Variants in RPS6KC1 observed in about 807,000 individuals in gnomAD.
RPS6KC1 encodes the protein ribosomal protein S6 kinase C1.
A neutral mutation model predicts 103.8 loss-of-function variants in RPS6KC1; 54 were observed. The ratio of observed to expected loss-of-function variants is 0.52; its 90% confidence interval spans 0.42 to 0.65. The LOEUF is 0.65. Ranked by LOEUF, RPS6KC1 falls within the 30% of genes least tolerant of loss-of-function variation. The pLI, the probability that RPS6KC1 is intolerant of heterozygous loss-of-function variation, is 0.00. For synonymous variants in RPS6KC1, 439 were observed against 438.7 expected (o/e 1.00, Z -0.01); for missense variants, 1,151 against 1,253.8 (o/e 0.92, Z 1.24).
At chr1:213,242,391 C>T in intron 11 of RPS6KC1, 94 bp downstream of exon 11, 1 of 1,403,160 alleles carries the variant, frequency 7.1e-7, no homozygotes, top group Non-Finnish European at 1.0e-6. Flanking sequence ...TCTTCATTTC[C>T]TGTCTAGAGC....
chr1:213,395,274 G>A, the RPS6KC1 span, among the ~76,000 whole-genome samples: 3 of 152,216 alleles, frequency 2.0e-5, no homozygotes. Context: ...TCTCCTCTGT[G>A]TAATGAAAGA....
intron 8 of RPS6KC1, among the ~76,000 whole-genome samples, chr1:213,207,378 T>C (rs1345387507): frequency 6.6e-6 from 1 of 152,200 alleles, no homozygotes; most frequent in Non-Finnish European, 1.5e-5. Flanking sequence ...GGTCTGACAC[T>C]GTTAAAGGTG....
chr1:213,405,869 A>C, the RPS6KC1 span, among the ~76,000 whole-genome samples: 1 of 152,146 alleles, frequency 6.6e-6, no homozygotes, highest in Non-Finnish European at 1.5e-5. Flanking sequence ...GAGGACTCTG[A>C]GAGGGGCAAA....
chr1:213,057,098 C>A (rs2077393887), intron 1 of RPS6KC1, among the ~76,000 whole-genome samples: 2 of 152,014 alleles, frequency 1.3e-5, no homozygotes, highest in South Asian at 4.2e-4. Context: ...TGCCACCCTG[C>A]CTGACTAATT....
the RPS6KC1 span, among the ~76,000 whole-genome samples, chr1:213,388,775 T>C: frequency 6.6e-6 from 1 of 152,206 alleles, no homozygotes; most frequent in Non-Finnish European, 1.5e-5. Context: ...CATCAGGAGA[T>C]GCTGATCTTC....
At chr1:213,533,087 A>C in the RPS6KC1 span, among the ~76,000 whole-genome samples, 8 of 152,162 alleles carry the variant, frequency 5.3e-5, no homozygotes, top group Non-Finnish European at 1.0e-4. Context: ...TTGAGTACAG[A>C]GTGCTTCGAT....
the RPS6KC1 span, among the ~76,000 whole-genome samples, chr1:213,795,328 C>A: frequency 6.6e-6 from 1 of 152,160 alleles, no homozygotes; most frequent in African/African-American, 2.4e-5. Flanking sequence ...GGTCTATGAA[C>A]AGAGTTCAGG....
At chr1:213,559,325 T>A in the RPS6KC1 span, among the ~76,000 whole-genome samples, 4 of 152,196 alleles carry the variant, frequency 2.6e-5, no homozygotes, top group African/African-American at 9.6e-5. Context: ...TTTGGAACCA[T>A]GAAAATTAAC....
chr1:213,673,653 TA>T, the RPS6KC1 span, among the ~76,000 whole-genome samples: 1,044 of 149,082 alleles, frequency 7.0e-3, 18 homozygotes, highest in African/African-American at 0.025. Context: ...TACTTTTTAG[TA>T]CTAAGGGAAA....
At chr1:213,756,882 A>G in the RPS6KC1 span, among the ~76,000 whole-genome samples, 7 of 152,124 alleles carry the variant, frequency 4.6e-5, no homozygotes, top group African/African-American at 1.7e-4. Context: ...AAGTACTGGT[A>G]TAATAGGAGT....
At chr1:213,295,326 T>C in the RPS6KC1 span, among the ~76,000 whole-genome samples, 2 of 152,188 alleles carry the variant, frequency 1.3e-5, no homozygotes, top group African/African-American at 2.4e-5. Flanking sequence ...AACTGTGATA[T>C]TATCATACAA....
chr1:213,373,528 A>C, the RPS6KC1 span, among the ~76,000 whole-genome samples: 2 of 152,226 alleles, frequency 1.3e-5, no homozygotes, highest in Admixed American at 1.3e-4. Context: ...GAACAAAACA[A>C]CAAAAAAAGA....
the RPS6KC1 span, among the ~76,000 whole-genome samples, chr1:213,328,197 A>G: frequency 6.6e-6 from 1 of 152,000 alleles, no homozygotes; most frequent in Non-Finnish European, 1.5e-5. Context: ...ATACATTTTT[A>G]TTGTTTAAAC....
intron 8 of RPS6KC1, among the ~76,000 whole-genome samples, chr1:213,183,935 A>G (rs987096583): frequency 2.6e-5 from 4 of 152,190 alleles, no homozygotes; most frequent in African/African-American, 7.2e-5. Context: ...TGAAACAGGT[A>G]TGGATCTTGC....
chr1:213,382,563 A>G, the RPS6KC1 span, among the ~76,000 whole-genome samples: 1 of 129,938 alleles, frequency 7.7e-6, no homozygotes, highest in Non-Finnish European at 1.6e-5. Flanking sequence ...AAGCGGTTGT[A>G]GGGAGAACTT....
chr1:213,784,851 C>T, the RPS6KC1 span, among the ~76,000 whole-genome samples: 1 of 152,174 alleles, frequency 6.6e-6, no homozygotes. Flanking sequence ...TCTTCATAAA[C>T]TTTCAGATAC....
chr1:213,386,837 A>T, the RPS6KC1 span, among the ~76,000 whole-genome samples: 1 of 152,066 alleles, frequency 6.6e-6, no homozygotes, highest in African/African-American at 2.4e-5. Flanking sequence ...TCTGGCTCTT[A>T]ATGACTGTGG....
intron 5 of RPS6KC1, among the ~76,000 whole-genome samples, chr1:213,119,907 C>G (rs557140250): frequency 6.6e-5 from 10 of 152,268 alleles, no homozygotes; most frequent in Admixed American, 6.5e-4. Flanking sequence ...AACTGGGACA[C>G]TTCTGAGAAT....
the RPS6KC1 span, among the ~76,000 whole-genome samples, chr1:213,632,380 C>T: frequency 2.6e-5 from 4 of 152,160 alleles, no homozygotes; most frequent in Admixed American, 2.0e-4. Context: ...ACTGAGCCTC[C>T]ACTGGTGATA....
Sources: gnomAD v4.1 joint callset for allele counts (sites outside exome capture counted in the v4.1 genomes callset) on GRCh38, gnomAD v4.1.1 for gene constraint, MANE v1.5 for transcripts, NCBI Gene and HGNC (gene_info 2026-07-23, HGNC 2026-07-21) for gene names.